The following SPATA13 variants were observed in gnomAD, a reference collection of about 807,000 sequenced individuals.
SPATA13 encodes spermatogenesis associated 13.
Under a neutral mutation model 104.0 loss-of-function variants are expected in SPATA13, and 50 were observed. The observed-to-expected ratio is 0.48, with a 90% CI of 0.38 to 0.61. The LOEUF (loss-of-function observed/expected upper bound fraction) is 0.61. Among genes scored for constraint, SPATA13 ranks in the 20% least tolerant of loss-of-function variants. The probability of loss-of-function intolerance (pLI) is 0.00; values close to 1 mark genes in which losing one functional copy is unlikely to be tolerated. For synonymous variants in SPATA13, 606 were observed against 667.5 expected, an observed-to-expected ratio of 0.91 and a Z score of 1.42; for missense variants, 1,524 against 1,690.6, an observed-to-expected ratio of 0.90 and a Z score of 1.73.
intron 3 of SPATA13, among the ~76,000 whole-genome samples, chr13:24,147,246 G>A (rs1444183186): frequency 6.6e-6 from 1 of 152,220 alleles, no homozygotes; most frequent in Non-Finnish European, 1.5e-5. Flanking sequence ...AGAACAGGAT[G>A]CAGAGAAGGT....
chr13:24,171,799 G>A (rs555653558), intron 1 of SPATA13, among the ~76,000 whole-genome samples: 8 of 152,306 alleles, frequency 5.3e-5, no homozygotes, highest in South Asian at 4.2e-4. Flanking sequence ...CTGGAGGAAC[G>A]TTGGGAAAGT....
At chr13:24,185,876 C>G (rs1310391533) in intron 1 of SPATA13, among the ~76,000 whole-genome samples, 1 of 151,974 alleles carries the variant, frequency 6.6e-6, no homozygotes, top group Non-Finnish European at 1.5e-5. Flanking sequence ...CTGGCAAGTT[C>G]AAAATAAGCA....
chr13:24,210,313 C>T (rs373879959), intron 1 of SPATA13, among the ~76,000 whole-genome samples: 2 of 152,058 alleles, frequency 1.3e-5, no homozygotes, highest in Non-Finnish European at 2.9e-5. Context: ...TTGTTGCCTA[C>T]GCTTTTAGTG....
chr13:24,004,342 C>T (rs1219851294), intron 2 of SPATA13, among the ~76,000 whole-genome samples: 3 of 152,166 alleles, frequency 2.0e-5, no homozygotes, highest in Admixed American at 1.3e-4. Flanking sequence ...ATACCATTTA[C>T]GGCAGTGTTG....
At chr13:24,261,002 C>T (rs993175024) in intron 4 of SPATA13, among the ~76,000 whole-genome samples, 37 of 152,164 alleles carry the variant, frequency 2.4e-4, no homozygotes, top group African/African-American at 8.2e-4. Flanking sequence ...ACCTCAGCTC[C>T]AGGTCAAGGC....
At chr13:24,268,692 G>C (rs1463769289) in intron 4 of SPATA13, among the ~76,000 whole-genome samples, 1 of 152,204 alleles carries the variant, frequency 6.6e-6, no homozygotes, top group East Asian at 1.9e-4. Flanking sequence ...CCAGGAGGTG[G>C]AGGTTGCAGT....
chr13:24,248,318 C>G (rs182248146), intron 2 of SPATA13, among the ~76,000 whole-genome samples: 1 of 152,360 alleles, frequency 6.6e-6, no homozygotes, highest in East Asian at 1.9e-4. Context: ...CCTGCTGTTT[C>G]CCAGGGAATG....
At chr13:24,121,875 C>A (rs1305207509) in intron 3 of SPATA13, among the ~76,000 whole-genome samples, 2 of 152,128 alleles carry the variant, frequency 1.3e-5, no homozygotes, top group Non-Finnish European at 2.9e-5. Flanking sequence ...CCTCGATCCC[C>A]CAAAATCCCG....
intron 10 of SPATA13, among the ~76,000 whole-genome samples, chr13:24,296,261 G>A (rs1026629807): frequency 4.6e-5 from 7 of 152,174 alleles, no homozygotes; most frequent in African/African-American, 1.2e-4. Context: ...TCTAGGGCAC[G>A]GAATTGCTCT....
chr13:24,286,464 C>T lies in SPATA13; in HGVS notation c.2481+71C>T, dbSNP rs560748101. 266 of 1,464,072 alleles carry T rather than the reference C, an allele frequency of 1.8e-4. 1 individual carries two copies. Among genetic ancestry groups the T allele is most frequent in the Non-Finnish European group, 2.3e-4 (251 of 1,083,726 alleles). 90.7% of individuals were successfully genotyped at this position (1,464,072 alleles called of 1,614,324 possible). A position where few individuals can be genotyped will look rare whatever the true frequency, so the allele number is the denominator to read the frequency against. On this transcript the variant is annotated intron_variant, in intron 6 of 12. Coordinates refer to ENST00000382108, the MANE Select transcript of SPATA13 (RefSeq NM_001166271.3). The surrounding 1 kb of genome is among the most constrained non-coding windows in gnomAD (Gnocchi z 4.9). ...TGCAGGATCCTTTCAGGTCAGAACT[C>T]GCCTTTTATCAGGTCAGCTCTTTTG...
chr13:24,206,908 A>T (rs561989262), intron 1 of SPATA13, among the ~76,000 whole-genome samples: 70 of 144,778 alleles, frequency 4.8e-4, no homozygotes, highest in African/African-American at 1.7e-3. Context: ...AAAAAAAAAG[A>T]TACATGCATG....
intron 3 of SPATA13, among the ~76,000 whole-genome samples, chr13:24,070,955 A>G (rs1879139640): frequency 6.6e-6 from 1 of 151,920 alleles, no homozygotes; most frequent in African/African-American, 2.4e-5. Context: ...GGACGTGCTG[A>G]CCTCCACAAT....
chr13:24,057,565 G>A (rs1022178992), intron 3 of SPATA13, among the ~76,000 whole-genome samples: 2 of 152,050 alleles, frequency 1.3e-5, no homozygotes, highest in Admixed American at 1.3e-4. Flanking sequence ...GACTGGTGCA[G>A]GGCTGGGAAT....
intron 2 of SPATA13, among the ~76,000 whole-genome samples, chr13:24,238,084 G>C (rs1054770103): frequency 7.0e-6 from 1 of 142,146 alleles, no homozygotes; most frequent in African/African-American, 2.6e-5. Context: ...TGGTATCATG[G>C]TTGATAAATT....
Position 24,199,883 on chromosome 13 carries a change from A to G in SPATA13, c.-111-22936A>G, listed in dbSNP as rs576011308. On this transcript the variant is annotated intron_variant, in intron 1 of 12. Coordinates refer to ENST00000382108, the MANE Select transcript of SPATA13 (RefSeq NM_001166271.3). ...ATTTTTTAAAACCTTAGCTGTGAAT[A>G]CTTATTATAATAATAATATATGTCT... Among the ~76,000 whole-genome samples the G allele has an allele frequency of 1.0e-3, 153 of 152,370 alleles. 3 individuals carry two copies. In the South Asian group the frequency reaches 0.029, roughly 29 times the overall value.
intron 1 of SPATA13, among the ~76,000 whole-genome samples, chr13:24,164,560 C>T (rs1047998338): frequency 6.6e-6 from 1 of 152,180 alleles, no homozygotes; most frequent in East Asian, 1.9e-4. Context: ...GAGGTATCCT[C>T]TGTGTTCTGT....
chr13:24,243,964 G>C (rs1264747225), intron 2 of SPATA13, among the ~76,000 whole-genome samples: 1 of 152,192 alleles, frequency 6.6e-6, no homozygotes, highest in Non-Finnish European at 1.5e-5. Flanking sequence ...AAACTAGGTG[G>C]CTTAAAACAG....
At chr13:24,119,142 T>C (rs1880953955) in intron 3 of SPATA13, among the ~76,000 whole-genome samples, 1 of 152,006 alleles carries the variant, frequency 6.6e-6, no homozygotes, top group Non-Finnish European at 1.5e-5. Flanking sequence ...CTCCTGACCT[T>C]GTGATCTGCC....
intron 2 of SPATA13, among the ~76,000 whole-genome samples, chr13:23,985,623 A>G (rs1373899278): frequency 2.0e-5 from 3 of 152,212 alleles, no homozygotes; most frequent in Non-Finnish European, 4.4e-5. Context: ...GAATTTCATC[A>G]GGGTCTGAAG....
Sources: allele counts gnomAD v4.1 joint callset (sites outside exome capture counted in the v4.1 genomes callset), GRCh38; gene constraint gnomAD v4.1.1; non-coding constraint Gnocchi (gnomAD v3.1); transcripts MANE v1.5; gene names NCBI Gene and HGNC (gene_info 2026-07-23, HGNC 2026-07-21).